The following WWOX variants were observed in gnomAD, a reference collection of about 807,000 sequenced individuals.
The protein encoded by WWOX is WW domain-containing oxidoreductase.
In WWOX, 69 loss-of-function variants were observed where a neutral mutation model predicts 46.2. The ratio of observed to expected loss-of-function variants is 1.49; its 90% CI spans 1.23 to 1.82. WWOX has a LOEUF of 1.82. Ranked by LOEUF, WWOX falls within the 40% of genes most tolerant of loss-of-function variation. WWOX has a pLI of 0.00. For synonymous variants in WWOX, 359 were observed against 202.6 expected (o/e 1.77, Z -6.56); for missense variants, 919 against 542.6 (o/e 1.69, Z -6.89).
intron 8 of WWOX, among the ~76,000 whole-genome samples, chr16:78,573,839 A>G (rs2044780226): frequency 6.6e-6 from 1 of 152,234 alleles, no homozygotes; most frequent in Non-Finnish European, 1.5e-5. Context: ...TGCTACATAA[A>G]TTAACACAAA....
chr16:79,127,985 A>G (rs2049794877), intron 8 of WWOX, among the ~76,000 whole-genome samples: 1 of 152,194 alleles, frequency 6.6e-6, no homozygotes, highest in African/African-American at 2.4e-5. Context: ...GAGGAACAAG[A>G]GAGAGAGAAA....
At chr16:79,057,970 C>T (rs1055616357) in intron 8 of WWOX, among the ~76,000 whole-genome samples, 3 of 152,148 alleles carry the variant, frequency 2.0e-5, no homozygotes, top group Admixed American at 1.3e-4. Flanking sequence ...TTTGCTTCTT[C>T]TCGGGCTCTT....
At chr16:78,204,495 A>G (rs2036330785) in intron 5 of WWOX, among the ~76,000 whole-genome samples, 1 of 135,744 alleles carries the variant, frequency 7.4e-6, no homozygotes, top group African/African-American at 3.0e-5. Context: ...GTCAAATAGT[A>G]GGTCTTATTT....
chr16:78,895,135 A>T (rs955446970), intron 8 of WWOX, among the ~76,000 whole-genome samples: 2 of 152,194 alleles, frequency 1.3e-5, no homozygotes, highest in Non-Finnish European at 2.9e-5. Context: ...GCTAAAGTGT[A>T]ATATCCGCTT....
chr16:78,392,464 A>G (rs887049004), intron 6 of WWOX, among the ~76,000 whole-genome samples: 1 of 152,198 alleles, frequency 6.6e-6, no homozygotes, highest in Non-Finnish European at 1.5e-5. Flanking sequence ...ACGTAATAAT[A>G]ATAGAAATAA....
At chr16:78,569,391 C>T (rs1003520744) in intron 8 of WWOX, among the ~76,000 whole-genome samples, 1 of 152,190 alleles carries the variant, frequency 6.6e-6, no homozygotes, top group Non-Finnish European at 1.5e-5. Context: ...TGTTGACATT[C>T]ACCTGTATTA....
chr16:78,700,766 G>T (rs555184268), intron 8 of WWOX, among the ~76,000 whole-genome samples: 1 of 152,172 alleles, frequency 6.6e-6, no homozygotes, highest in African/African-American at 2.4e-5. Flanking sequence ...AACAGCCATC[G>T]CTAGCATGGT....
chr16:78,966,108 T>A (rs2046358891), intron 8 of WWOX, among the ~76,000 whole-genome samples: 1 of 152,228 alleles, frequency 6.6e-6, no homozygotes, highest in Non-Finnish European at 1.5e-5. Flanking sequence ...GCTTCTTACC[T>A]ATCAGCTAAA....
chr16:78,992,039 C>T (rs780460496), intron 8 of WWOX, among the ~76,000 whole-genome samples: 8 of 152,204 alleles, frequency 5.3e-5, no homozygotes, highest in Non-Finnish European at 1.2e-4. Flanking sequence ...CTTTCAGGCT[C>T]TCCTTTCACA....
intron 6 of WWOX, among the ~76,000 whole-genome samples, chr16:78,403,390 A>G (rs1444329236): frequency 6.6e-6 from 1 of 152,222 alleles, no homozygotes; most frequent in Admixed American, 6.5e-5. Flanking sequence ...TTCCCTTCCC[A>G]TGATTTTTCT....
intron 8 of WWOX, among the ~76,000 whole-genome samples, chr16:79,115,386 G>C (rs1281441107): frequency 2.0e-5 from 3 of 152,164 alleles, no homozygotes; most frequent in African/African-American, 7.2e-5. Flanking sequence ...CAGTAAGTAG[G>C]AAAGAAACTC....
At chr16:78,859,155 C>T (rs1405370866) in intron 8 of WWOX, among the ~76,000 whole-genome samples, 1 of 149,212 alleles carries the variant, frequency 6.7e-6, no homozygotes, top group Non-Finnish European at 1.5e-5. Flanking sequence ...ATCTGAGACA[C>T]TGGGGAGAAC....
At chr16:78,303,902 T>C (rs1175977205) in intron 5 of WWOX, among the ~76,000 whole-genome samples, 1 of 152,124 alleles carries the variant, frequency 6.6e-6, no homozygotes, top group Non-Finnish European at 1.5e-5. Flanking sequence ...CCACTCCTAT[T>C]CTGGAAAGAG....
At chr16:78,378,762 C>G (rs997651782) in intron 5 of WWOX, among the ~76,000 whole-genome samples, 1 of 152,142 alleles carries the variant, frequency 6.6e-6, no homozygotes, top group African/African-American at 2.4e-5. Context: ...TTGCAGGATG[C>G]CATTAGCAAT....
intron 8 of WWOX, among the ~76,000 whole-genome samples, chr16:78,561,400 A>AGAAACTCTCTCATGCATGTAGTTCC: frequency 1.3e-5 from 2 of 152,256 alleles, no homozygotes; most frequent in East Asian, 1.9e-4. Context: ...TCAAGGGCTC[A>AGAAACTCTCTCATGCATGTAGTTCC]CGTGATGAGG....
intron 8 of WWOX, among the ~76,000 whole-genome samples, chr16:78,555,000 G>A (rs946206551): frequency 4.6e-5 from 7 of 152,106 alleles, no homozygotes; most frequent in Non-Finnish European, 1.0e-4. Context: ...AAACCAGCAG[G>A]GCCTGGCAGA....
intron 8 of WWOX, among the ~76,000 whole-genome samples, chr16:78,609,163 C>G (rs1167124435): frequency 6.6e-6 from 1 of 152,150 alleles, no homozygotes; most frequent in Non-Finnish European, 1.5e-5. Flanking sequence ...TCTTTCTATC[C>G]TTTCTCTAAA....
Position 79,152,283 on chromosome 16 carries a change from C to A in WWOX, c.1057-59325C>A, listed in dbSNP as rs145862404. On this transcript the variant is annotated intron_variant, in intron 8 of 8. Coordinates refer to ENST00000566780, the MANE Select transcript of WWOX (RefSeq NM_016373.4). The stretch of plus-strand genomic sequence containing the variant: ...AAGGGTACAGGCTGGCTGGACCATG[C>A]GATGGGGAATGCAGGTGGAACAGGC... 4.3e-3 allele frequency among the ~76,000 whole-genome samples: 648 copies of A among 152,156 alleles called. 4 individuals carry two copies. The highest frequency in any genetic ancestry group is 0.015 in the African/African-American group (614 of 41,512).
At chr16:78,563,544 T>C (rs981767204) in intron 8 of WWOX, among the ~76,000 whole-genome samples, 1 of 151,128 alleles carries the variant, frequency 6.6e-6, no homozygotes, top group African/African-American at 2.4e-5. Context: ...TTTTTTTTTT[T>C]CTCCTATTGC....
Sources: gnomAD v4.1 joint callset for allele counts (sites outside exome capture counted in the v4.1 genomes callset) on GRCh38, gnomAD v4.1.1 for gene constraint, MANE v1.5 for transcripts, NCBI Gene and HGNC (gene_info 2026-07-23, HGNC 2026-07-21) for gene names.